The following DOCK1 variants were observed in gnomAD, a reference collection of about 807,000 sequenced individuals.
The protein encoded by DOCK1 is dedicator of cytokinesis 1.
In DOCK1, 138 loss-of-function variants were observed where a neutral mutation model predicts 262.7. The ratio of observed to expected loss-of-function variants is 0.53; its 90% CI spans 0.46 to 0.61. DOCK1 has a LOEUF of 0.61. Among genes scored for constraint, DOCK1 ranks in the 20% least tolerant of loss-of-function variants. The pLI is 0.00. For missense variants in DOCK1, 1,908 were observed against 2,370.7 expected (o/e 0.80, Z 4.05); for synonymous variants, 866 against 867.4 (o/e 1.00, Z 0.03).
intron 23 of DOCK1, among the ~76,000 whole-genome samples, chr10:127,097,927 C>T (rs1489244482): frequency 6.6e-6 from 1 of 152,198 alleles, no homozygotes; most frequent in Non-Finnish European, 1.5e-5. Flanking sequence ...TGGTTCATAC[C>T]TCTGGGGTTG....
At chr10:127,412,225 G>A (rs1056582112) in intron 43 of DOCK1, among the ~76,000 whole-genome samples, 2 of 152,138 alleles carry the variant, frequency 1.3e-5, no homozygotes, top group African/African-American at 4.8e-5. Flanking sequence ...GCCTCCCAAA[G>A]TGCTGGGATT....
Position 126,948,604 on chromosome 10 carries a change from G to A in DOCK1, c.47-22098G>A, listed in dbSNP as rs1386925829. Among the ~76,000 whole-genome samples the A allele has an allele frequency of 9.2e-5, 14 of 152,040 alleles. 1 individual carries two copies. The highest frequency in any genetic ancestry group is 3.1e-4 in the African/African-American group (13 of 41,504). On this transcript the variant is annotated intron_variant, in intron 1 of 51. Coordinates refer to ENST00000623213, the MANE Select transcript of DOCK1 (RefSeq NM_001290223.2). The stretch of plus-strand genomic sequence containing the variant: ...AAACAGGGCCCTCAAAATGCTCCAG[G>A]CCACAGATGGAGAAGGAAAGTTTCC...
At chr10:127,004,073 T>C (rs1238931032) in intron 10 of DOCK1, among the ~76,000 whole-genome samples, 1 of 151,390 alleles carries the variant, frequency 6.6e-6, no homozygotes, top group East Asian at 2.0e-4. Flanking sequence ...GCCAGTGTGG[T>C]GAAACCCTGT....
intron 1 of DOCK1, among the ~76,000 whole-genome samples, chr10:126,916,628 C>T (rs1163051747): frequency 6.6e-6 from 1 of 152,046 alleles, no homozygotes; most frequent in Non-Finnish European, 1.5e-5. Flanking sequence ...TTTCTTCCCT[C>T]CCTTCTCCCC....
At chr10:127,142,778 C>T (rs780719355) in intron 27 of DOCK1, among the ~76,000 whole-genome samples, 1 of 152,156 alleles carries the variant, frequency 6.6e-6, no homozygotes, top group African/African-American at 2.4e-5. Context: ...GTGTCGCCCT[C>T]GCTGTGCTCT....
At chr10:127,043,483 G>A (rs536794098) in intron 21 of DOCK1, among the ~76,000 whole-genome samples, 49 of 152,308 alleles carry the variant, frequency 3.2e-4, no homozygotes, top group African/African-American at 1.0e-3. Flanking sequence ...CGGCTTCCTC[G>A]CGAGCCTTTG....
At chr10:127,043,511 T>C (rs750066433) in intron 21 of DOCK1, among the ~76,000 whole-genome samples, 5 of 152,256 alleles carry the variant, frequency 3.3e-5, no homozygotes, top group Non-Finnish European at 5.9e-5. Flanking sequence ...GATAAATGCA[T>C]GTGTTCCCGT....
At chr10:127,254,325 C>CT (rs1195027871) in intron 28 of DOCK1, among the ~76,000 whole-genome samples, 7 of 152,138 alleles carry the variant, frequency 4.6e-5, no homozygotes, top group Admixed American at 6.5e-5. Flanking sequence ...CCATTCTGGA[C>CT]TTTTTTTGTG....
intron 30 of DOCK1, among the ~76,000 whole-genome samples, chr10:127,340,917 G>C (rs1028598733): frequency 3.3e-5 from 5 of 152,042 alleles, no homozygotes; most frequent in African/African-American, 1.2e-4. Context: ...GCTAGGCATG[G>C]GTTTAGGCTT....
intron 28 of DOCK1, among the ~76,000 whole-genome samples, chr10:127,256,584 T>C (rs1358922578): frequency 6.6e-6 from 1 of 152,142 alleles, no homozygotes; most frequent in Non-Finnish European, 1.5e-5. Flanking sequence ...CTCTGGAAAG[T>C]AGGAAACCTT....
rs572092869 is a variant in DOCK1, at chr10:127,411,074, C to T, written c.4428+150C>T. The T allele has an allele frequency of 9.8e-5, 77 of 782,302 alleles. No individual in the cohort carries two copies. In the South Asian group the frequency reaches 1.4e-3, roughly 14 times the overall value. The allele number at this position is 782,302 out of a possible 1,614,324, so 48.5% of individuals were successfully genotyped here. A position where few individuals can be genotyped will look rare whatever the true frequency, so the allele number is the denominator to read the frequency against. The stretch of plus-strand genomic sequence containing the variant: ...TATGTGCAGAAATCTTAATCTATTA[C>T]CCCCTCCAAAGTTAGAAAAACTAAT... On this transcript the variant is annotated intron_variant, in intron 43 of 51. Coordinates refer to ENST00000623213, the MANE Select transcript of DOCK1 (RefSeq NM_001290223.2).
chr10:127,297,761 A>T (rs1183074179), intron 29 of DOCK1, among the ~76,000 whole-genome samples: 1 of 152,162 alleles, frequency 6.6e-6, no homozygotes, highest in Non-Finnish European at 1.5e-5. Context: ...AGCCCTTGTG[A>T]TGAAAATCAG....
rs1316678090 is a variant in DOCK1 at position 127,443,975 on chromosome 10, C to T, written c.5260-151C>T. On this transcript the variant is annotated intron_variant, in intron 49 of 51. Coordinates refer to ENST00000623213, the MANE Select transcript of DOCK1 (RefSeq NM_001290223.2). Reference sequence around the variant, plus strand: ...TAACAGGCCCACCCTAAGAGCCACACCTTAGCTTGATCATTTGCAAAGACC... The same window carrying T: ...TAACAGGCCCACCCTAAGAGCCACATCTTAGCTTGATCATTTGCAAAGACC... 6.5e-6 allele frequency: 7 copies of T among 1,071,990 alleles called. No homozygotes were observed. The African/African-American group carries it at 9.5e-5, about 15-fold the overall frequency. The allele number at this position is 1,071,990 out of a possible 1,614,324, so 66.4% of individuals were successfully genotyped here.
intron 23 of DOCK1, among the ~76,000 whole-genome samples, chr10:127,072,818 C>T (rs781472038): frequency 2.6e-5 from 4 of 152,134 alleles, no homozygotes; most frequent in Admixed American, 6.5e-5. Context: ...TCTAAAGGGA[C>T]GGGCAGAGAA....
intron 27 of DOCK1, among the ~76,000 whole-genome samples, chr10:127,132,689 C>T (rs2133161772): frequency 6.6e-6 from 1 of 152,218 alleles, no homozygotes; most frequent in Admixed American, 6.5e-5. Flanking sequence ...AGAAGCACTC[C>T]AGGCTGAGAT....
At chr10:127,273,262 C>T (rs1293231072) in intron 29 of DOCK1, among the ~76,000 whole-genome samples, 1 of 147,408 alleles carries the variant, frequency 6.8e-6, no homozygotes, top group Non-Finnish European at 1.5e-5. Flanking sequence ...CCATAAATAC[C>T]TCCCACTTTG....
At position 127,451,467 on chromosome 10, in the gene DOCK1, C is replaced by A. The variant is rs558695703; in HGVS notation, c.*40C>A. On this transcript the variant is annotated 3_prime_UTR_variant, in exon 52 of 52. Coordinates refer to ENST00000623213, the MANE Select transcript of DOCK1 (RefSeq NM_001290223.2). The stretch of plus-strand genomic sequence containing the variant: ...CTGGAAAGAGTGTGCTGCCCCTCCC[C>A]ATCTCCATGCCCTCTCCTTCTGTGT... 13 of 1,551,986 alleles carry A rather than the reference C, an allele frequency of 8.4e-6. No individual in the cohort carries two copies. In the African/African-American group the frequency reaches 1.5e-4, roughly 18 times the overall value.
chr10:127,328,803 A>AT (rs2062853341), intron 29 of DOCK1, among the ~76,000 whole-genome samples: 1 of 152,042 alleles, frequency 6.6e-6, no homozygotes, highest in Non-Finnish European at 1.5e-5. Flanking sequence ...GTTTTGATTT[A>AT]TTTTTTAATC....
At chr10:127,112,867 T>C (rs1436371672) in intron 25 of DOCK1, among the ~76,000 whole-genome samples, 3 of 152,140 alleles carry the variant, frequency 2.0e-5, no homozygotes, top group East Asian at 1.9e-4. Flanking sequence ...AACGTGAAAA[T>C]GGTCCCATTT....
Sources: gnomAD v4.1 joint callset for allele counts (sites outside exome capture counted in the v4.1 genomes callset) on GRCh38, gnomAD v4.1.1 for gene constraint, MANE v1.5 for transcripts, NCBI Gene and HGNC (gene_info 2026-07-23, HGNC 2026-07-21) for gene names.